Variants in RCL1 observed in about 807,000 individuals in gnomAD.
The protein encoded by RCL1 is RNA terminal phosphate cyclase like 1.
A neutral mutation model predicts 42.4 loss-of-function variants in RCL1; 24 were observed. The observed-to-expected ratio is 0.57, with a 90% confidence interval of 0.41 to 0.80. The LOEUF (loss-of-function observed/expected upper bound fraction) is 0.80. Among genes scored for constraint, RCL1 ranks in the 30% least tolerant of loss-of-function variants. The pLI is 0.00. For missense variants in RCL1, 578 were observed against 467.9 expected (o/e 1.24, Z -2.17); for synonymous variants, 228 against 177.3 (o/e 1.29, Z -2.27).
intron 7 of RCL1, among the ~76,000 whole-genome samples, chr9:4,845,599 A>G (rs1339662769): frequency 6.6e-6 from 1 of 152,236 alleles, no homozygotes; most frequent in African/African-American, 2.4e-5. Flanking sequence ...GAAGAGGGTC[A>G]CAAATCTGGG....
In RCL1 at chr9:4,793,028, G is replaced by C; in HGVS notation, c.-64G>C. The C allele has an allele frequency of 6.5e-7, 1 of 1,542,124 alleles. No homozygotes were observed. The highest frequency in any genetic ancestry group is 8.8e-7 in the Non-Finnish European group (1 of 1,140,598). ...CCGCCACCACCACCATCGGAGTCAC[G>C]AGTCCCGCGTCTGTCCGAAGTCGCC... On this transcript the variant is annotated 5_prime_UTR_variant, in exon 1 of 9. Transcript: ENST00000381750.
chr9:4,802,831 GT>G (rs1290792121), intron 1 of RCL1, among the ~76,000 whole-genome samples: 1 of 151,988 alleles, frequency 6.6e-6, no homozygotes, highest in Non-Finnish European at 1.5e-5. Context: ...GTTTTGTTTT[GT>G]TTTTTTAAGA....
At chr9:4,816,614 G>A (rs1471533844) in intron 1 of RCL1, among the ~76,000 whole-genome samples, 1 of 151,958 alleles carries the variant, frequency 6.6e-6, no homozygotes, top group Admixed American at 6.6e-5. Flanking sequence ...CCCTTTTTGG[G>A]ATGCATCTTT....
intron 1 of RCL1, among the ~76,000 whole-genome samples, chr9:4,819,285 C>T (rs1180157618): frequency 6.6e-6 from 1 of 152,220 alleles, no homozygotes; most frequent in Non-Finnish European, 1.5e-5. Context: ...CAATAGGGTT[C>T]ATGGTCCTAT....
At chr9:4,805,388 A>G (rs1285983793) in intron 1 of RCL1, among the ~76,000 whole-genome samples, 1 of 126,150 alleles carries the variant, frequency 7.9e-6, no homozygotes, top group East Asian at 2.5e-4. Context: ...GTCTCTAAAA[A>G]GAAGAAGAAG....
chr9:4,835,090 G>A (rs2131015842), intron 5 of RCL1, among the ~76,000 whole-genome samples: 1 of 152,298 alleles, frequency 6.6e-6, no homozygotes, highest in South Asian at 2.1e-4. Flanking sequence ...GTGGTTCTAG[G>A]GAGTGGCAAG....
intron 6 of RCL1, among the ~76,000 whole-genome samples, chr9:4,842,008 T>C (rs1338318416): frequency 6.6e-6 from 1 of 152,214 alleles, no homozygotes; most frequent in Non-Finnish European, 1.5e-5. Context: ...AGGAAAGTGT[T>C]AAACATACAG....
At chr9:4,835,696 G>C (rs988878787) in intron 5 of RCL1, among the ~76,000 whole-genome samples, 18 of 152,242 alleles carry the variant, frequency 1.2e-4, no homozygotes, top group African/African-American at 3.9e-4. Context: ...GCTGGAGTCA[G>C]AAAGACGTGG....
At chr9:4,819,035 A>T (rs951517582) in intron 1 of RCL1, among the ~76,000 whole-genome samples, 2 of 152,212 alleles carry the variant, frequency 1.3e-5, no homozygotes, top group Non-Finnish European at 2.9e-5. Flanking sequence ...TTTGTTGGCT[A>T]TTTAAATCAT....
Position 4,810,542 on chromosome 9 carries a change from T to C in RCL1, c.137-13006T>C, listed in dbSNP as rs546056331. Among the ~76,000 whole-genome samples the C allele has an allele frequency of 1.4e-3, 201 of 139,534 alleles. 1 individual carries two copies. The highest frequency in any genetic ancestry group is 5.6e-3 in the African/African-American group (194 of 34,582). 91.5% of individuals were successfully genotyped at this position (139,534 alleles called of 152,430 possible). A position where few individuals can be genotyped will look rare whatever the true frequency, so the allele number is the denominator to read the frequency against. On this transcript the variant is annotated intron_variant, in intron 1 of 8. Coordinates refer to ENST00000381750, the MANE Select transcript of RCL1 (RefSeq NM_005772.5). ...CTTTCTTTACTACGTCATGTTATTC[T>C]GTTTTTTTAATGTGCCACAATTTAG...
chr9:4,812,344 AT>A (rs34826877), intron 1 of RCL1, among the ~76,000 whole-genome samples: 71,744 of 148,594 alleles, frequency 0.48, 19,459 homozygotes, highest in East Asian at 0.72. Context: ...CTTTAAGTTC[AT>A]TTTTTTTTTT....
chr9:4,836,665 G>A (rs963704935), intron 5 of RCL1: 5 of 152,332 alleles, frequency 3.3e-5, no homozygotes, highest in African/African-American at 7.2e-5. Flanking sequence ...GGTGCTTAAG[G>A]TCGGGTTTTG....
At chr9:4,799,325 CTT>C (rs1030387745) in intron 1 of RCL1, among the ~76,000 whole-genome samples, 5 of 151,954 alleles carry the variant, frequency 3.3e-5, no homozygotes, top group African/African-American at 1.2e-4. Flanking sequence ...AGAAAACAAA[CTT>C]TTTATTTTGA....
intron 7 of RCL1, among the ~76,000 whole-genome samples, chr9:4,847,891 T>G (rs765998388): frequency 1.3e-5 from 2 of 152,210 alleles, no homozygotes; most frequent in Admixed American, 6.5e-5. Context: ...CCCCAAACCC[T>G]GCTCATCTCT....
intron 8 of RCL1, among the ~76,000 whole-genome samples, chr9:4,856,116 G>A (rs536944655): frequency 4.6e-5 from 7 of 152,312 alleles, no homozygotes; most frequent in African/African-American, 1.7e-4. Flanking sequence ...GAGTGGGTGA[G>A]ATGGCTGGCT....
chr9:4,847,910 G>A (rs1563855792), intron 7 of RCL1, among the ~76,000 whole-genome samples: 1 of 152,302 alleles, frequency 6.6e-6, no homozygotes, highest in South Asian at 2.1e-4. Context: ...CTCAAGGGCT[G>A]GCTCAAGTAG....
intron 8 of RCL1, 43 bp from the exon 9 acceptor site, chr9:4,860,082 A>C (rs908672732): frequency 7.2e-7 from 1 of 1,386,660 alleles, no homozygotes; most frequent in African/African-American, 1.5e-5. Context: ...TTTTTTTTGA[A>C]TGAATTTCTT....
At position 4,823,837 on chromosome 9, in the gene RCL1, A is replaced by G. The variant is rs558909073; in HGVS notation, c.208+218A>G. 5.9e-5 allele frequency among the ~76,000 whole-genome samples: 9 copies of G among 152,286 alleles called. No homozygotes were observed. In the East Asian group the frequency reaches 1.7e-3, roughly 29 times the overall value. ...TTGGGGGGACTTATATGAGGAACTC[A>G]CCATATAACTTTGGAGTTATATGAG... On this transcript the variant is annotated intron_variant, in intron 2 of 8. Coordinates refer to ENST00000381750, the MANE Select transcript of RCL1 (RefSeq NM_005772.5).
chr9:4,801,668 A>G lies in RCL1; in HGVS notation c.136+8441A>G, dbSNP rs115163401. 8.2e-3 allele frequency among the ~76,000 whole-genome samples: 1,222 copies of G among 149,728 alleles called. 17 individuals are homozygous for G. The highest frequency in any genetic ancestry group is 0.028 in the African/African-American group (1,159 of 40,956). On this transcript the variant is annotated intron_variant, in intron 1 of 8. Coordinates refer to ENST00000381750, the MANE Select transcript of RCL1 (RefSeq NM_005772.5). ...TTTTGTGGCAGTGCTTTTAGTGTTA[A>G]GTCTAAGAACTCTTTGCCTAGCTTT...
Sources: allele counts gnomAD v4.1 joint callset (sites outside exome capture counted in the v4.1 genomes callset), GRCh38; gene constraint gnomAD v4.1.1; transcripts MANE v1.5; gene names NCBI Gene and HGNC (gene_info 2026-07-23, HGNC 2026-07-21).